The following COBLL1 variants were observed in gnomAD, a reference collection of about 807,000 sequenced individuals.
The protein encoded by COBLL1 is cordon-bleu protein-like 1.
COBLL1 carries 50 observed loss-of-function variants against 94.8 expected under a neutral mutation model. The ratio of observed to expected loss-of-function variants is 0.53; its 90% confidence interval spans 0.42 to 0.67. The LOEUF (loss-of-function observed/expected upper bound fraction) is 0.67, where lower values mean the gene tolerates loss of function less well. COBLL1 is among the 30% of genes least tolerant of loss of function. The pLI is 0.00. For missense variants in COBLL1, 1,362 were observed against 1,348.7 expected, an observed-to-expected ratio of 1.01 and a Z score of -0.15; for synonymous variants, 448 against 473.8, an observed-to-expected ratio of 0.95 and a Z score of 0.71.
At chr2:164,805,283 GTCTGTCTCTC>G (rs1257712187) in intron 2 of COBLL1, among the ~76,000 whole-genome samples, 3 of 29,774 alleles carry the variant, frequency 1.0e-4, no homozygotes, top group Non-Finnish European at 1.9e-4. Context: ...TATTCTCTCT[GTCTGTCTCTC>G]TCTCTCTCTC....
At chr2:164,748,461 A>C (rs1040332853) in intron 2 of COBLL1, among the ~76,000 whole-genome samples, 22 of 152,296 alleles carry the variant, frequency 1.4e-4, no homozygotes, top group Admixed American at 5.2e-4. Flanking sequence ...AAATTCTGAT[A>C]ATATAAACTA....
intron 9 of COBLL1, chr2:164,703,531 G>GT: frequency 2.5e-6 from 1 of 399,892 alleles, no homozygotes; most frequent in Non-Finnish European, 4.8e-6. Flanking sequence ...TAAAAGCTGA[G>GT]AAAAATCATT....
At position 164,692,233 on chromosome 2, in the gene COBLL1, G is replaced by A. The variant is rs1219612088; in HGVS notation, c.3288C>T (p.Ala1096=). ...LTAIRSGEAA[A]KLKRVTIPSN... ...AAAGAAGACTTACCCTTTTCAATTT[G>A]GCAGCAGCCTCTCCCGAACGGATTG... Residue 1096 remains alanine (A), a synonymous_variant, in exon 13 of 14, where the codon GCC becomes GCT. Transcript: ENST00000652658. The A allele has an allele frequency of 6.9e-6, 11 of 1,601,102 alleles. No homozygotes were observed. Among genetic ancestry groups the A allele is most frequent in the Non-Finnish European group, 9.4e-6 (11 of 1,175,138 alleles).
chr2:164,674,295 G>A (rs569928653), intron 1 of COBLL1, among the ~76,000 whole-genome samples: 5 of 152,204 alleles, frequency 3.3e-5, no homozygotes, highest in Admixed American at 1.3e-4. Flanking sequence ...TCTTGACCTC[G>A]TGATCTGCCC....
At chr2:164,761,187 T>A (rs890196237) in intron 2 of COBLL1, 4 of 152,336 alleles carry the variant, frequency 2.6e-5, no homozygotes, top group Non-Finnish European at 5.9e-5. Flanking sequence ...GGCGGGTGGA[T>A]CGCCTGAGGT....
chr2:164,674,313 C>T (rs1691300923), intron 1 of COBLL1, among the ~76,000 whole-genome samples: 1 of 152,160 alleles, frequency 6.6e-6, no homozygotes, highest in African/African-American at 2.4e-5. Context: ...CCCACCTCGA[C>T]CTCCCAAAGT....
chr2:164,814,209 C>G (rs1325988905), intron 2 of COBLL1, among the ~76,000 whole-genome samples: 1 of 152,158 alleles, frequency 6.6e-6, no homozygotes. Context: ...CCCCTCTACC[C>G]TTCCCCATCT....
intron 7 of COBLL1, among the ~76,000 whole-genome samples, chr2:164,707,322 G>A (rs547776634): frequency 6.6e-6 from 1 of 152,138 alleles, no homozygotes; most frequent in Admixed American, 6.5e-5. Flanking sequence ...TGTATTTTTA[G>A]TAGAGATGGG....
intron 7 of COBLL1, among the ~76,000 whole-genome samples, chr2:164,711,126 C>T (rs749119832): frequency 1.3e-5 from 2 of 152,088 alleles, no homozygotes; most frequent in Non-Finnish European, 2.9e-5. Context: ...CTGTGACCTT[C>T]GGCCTCCTCA....
chr2:164,837,578 T>C (rs1380037523), intron 2 of COBLL1: 2 of 426,734 alleles, frequency 4.7e-6, no homozygotes, highest in African/African-American at 2.1e-5. Context: ...ATTTTTCATC[T>C]AGATCACTAT....
At chr2:164,820,718 A>G (rs1685124040) in intron 2 of COBLL1, among the ~76,000 whole-genome samples, 1 of 152,192 alleles carries the variant, frequency 6.6e-6, no homozygotes, top group Non-Finnish European at 1.5e-5. Flanking sequence ...ACCCTCTTGC[A>G]TGATCACACC....
chr2:164,672,528 C>T (rs1691257887), intron 1 of COBLL1, among the ~76,000 whole-genome samples: 1 of 151,464 alleles, frequency 6.6e-6, no homozygotes, highest in African/African-American at 2.4e-5. Context: ...GAAACCCCGT[C>T]TCTACCAAAA....
chr2:164,784,310 T>A (rs907657107), intron 2 of COBLL1, among the ~76,000 whole-genome samples: 2 of 152,226 alleles, frequency 1.3e-5, no homozygotes, highest in African/African-American at 2.4e-5. Flanking sequence ...TCAATAAACA[T>A]GTGCTTTTGT....
At chr2:164,700,922 A>T (rs1431762662) in intron 9 of COBLL1, among the ~76,000 whole-genome samples, 166 bp from the exon 10 acceptor site, 1 of 152,220 alleles carries the variant, frequency 6.6e-6, no homozygotes, top group African/African-American at 2.4e-5. Flanking sequence ...TCACGTTAAC[A>T]TAAAACCAGA....
upstream of COBLL1, chr2:164,841,883 C>T (rs1683643438): frequency 5.9e-6 from 7 of 1,184,756 alleles, no homozygotes; most frequent in Admixed American, 2.0e-5. The surrounding 1 kb of genome is among the most constrained non-coding windows in gnomAD (Gnocchi z 5.5). Flanking sequence ...CTCAGCACCT[C>T]CCCTGTCCCG....
chr2:164,738,662 A>C (rs1686440669), intron 3 of COBLL1, among the ~76,000 whole-genome samples: 2 of 152,228 alleles, frequency 1.3e-5, no homozygotes, highest in Admixed American at 6.5e-5. Context: ...AGACACACAG[A>C]AACAGGTTGA....
At chr2:164,770,786 C>T (rs542182439) in intron 2 of COBLL1, among the ~76,000 whole-genome samples, 15 of 152,102 alleles carry the variant, frequency 9.9e-5, no homozygotes, top group Admixed American at 2.6e-4. Context: ...GTGGTCAGTA[C>T]TTAGCAATGT....
intron 2 of COBLL1, among the ~76,000 whole-genome samples, chr2:164,663,305 C>T (rs1691100173): frequency 6.6e-6 from 1 of 152,102 alleles, no homozygotes. Context: ...AAATATTGAG[C>T]CATGAATCAT....
chr2:164,724,194 C>T (rs1349078494), intron 5 of COBLL1: 1 of 152,146 alleles, frequency 6.6e-6, no homozygotes, highest in Admixed American at 6.5e-5. Flanking sequence ...AGACTTTCAC[C>T]ATTTTTCAAA....
Sources: allele counts gnomAD v4.1 joint callset (sites outside exome capture counted in the v4.1 genomes callset), GRCh38; gene constraint gnomAD v4.1.1; non-coding constraint Gnocchi (gnomAD v3.1); transcripts MANE v1.5; gene names NCBI Gene and HGNC (gene_info 2026-07-23, HGNC 2026-07-21).